AP3D1: variants seen among roughly 807,000 people sequenced by gnomAD.
AP3D1 encodes adaptor related protein complex 3 subunit delta 1.
In AP3D1, 51 loss-of-function variants were observed where a neutral mutation model predicts 147.6. The ratio of observed to expected loss-of-function variants is 0.35; its 90% CI spans 0.28 to 0.44. The LOEUF is 0.44. AP3D1 is among the 20% of genes least tolerant of loss of function. AP3D1 has a pLI of 1.00. For missense variants in AP3D1, 1,421 were observed against 1,624.2 expected (o/e 0.87, Z 2.15); for synonymous variants, 760 against 663.0 (o/e 1.15, Z -2.25).
At chr19:2,134,424 A>AC (rs1268515127) in intron 4 of AP3D1, among the ~76,000 whole-genome samples, 1 of 151,440 alleles carries the variant, frequency 6.6e-6, no homozygotes, top group Non-Finnish European at 1.5e-5. Flanking sequence ...CTGTCTCAAA[A>AC]AAAAAAAAGT....
At chr19:2,126,425 G>A (rs2018756255) in intron 9 of AP3D1, among the ~76,000 whole-genome samples, 1 of 152,170 alleles carries the variant, frequency 6.6e-6, no homozygotes, top group African/African-American at 2.4e-5. Context: ...GGAGGCCGAG[G>A]CAGGCGGATC....
chr19:2,150,098 C>T (rs2019465819), intron 1 of AP3D1, among the ~76,000 whole-genome samples: 1 of 152,212 alleles, frequency 6.6e-6, no homozygotes, highest in Non-Finnish European at 1.5e-5. Context: ...TGTAACAATA[C>T]GGCAAGAGCT....
intron 28 of AP3D1, 63 bp from the exon 29 acceptor site, chr19:2,110,021 T>C: frequency 1.3e-6 from 2 of 1,594,238 alleles, no homozygotes; most frequent in South Asian, 2.2e-5. Flanking sequence ...GGCTCAGGGT[T>C]CCCCAGGCAG....
At chr19:2,121,589 G>A (rs923209650) in intron 12 of AP3D1, 145 bp downstream of exon 12, 3 of 1,208,850 alleles carry the variant, frequency 2.5e-6, no homozygotes, top group Non-Finnish European at 3.4e-6. Flanking sequence ...GACCAGGACT[G>A]GCGCCCCTCT....
intron 5 of AP3D1, among the ~76,000 whole-genome samples, chr19:2,132,270 T>C (rs1007959418): frequency 2.6e-5 from 4 of 152,162 alleles, no homozygotes; most frequent in South Asian, 2.1e-4. Flanking sequence ...TGATTTCAAA[T>C]ATCAACTTAA....
chr19:2,109,819 T>G, intron 29 of AP3D1, 54 bp downstream of exon 29: 1 of 1,537,194 alleles, frequency 6.5e-7, no homozygotes, highest in Non-Finnish European at 9.0e-7. Flanking sequence ...GTCTGCAAGG[T>G]AGAGGGGAGG....
intron 5 of AP3D1, 70 bp downstream of exon 5, chr19:2,132,401 G>A (rs2018974282): frequency 1.4e-6 from 2 of 1,419,878 alleles, no homozygotes; most frequent in East Asian, 2.3e-5. Context: ...AAGCTTCCCA[G>A]GCATGCCACT....
Position 2,150,474 on chromosome 19 carries a change from A to G in AP3D1, c.96+765T>C, listed in dbSNP as rs146387166. The stretch of plus-strand genomic sequence containing the variant: ...GTTGTAATTTTACTTCTGGAAAACT[A>G]TTTCCTCGCCCTGGCTTTCAGGTTC... On this transcript the variant is annotated intron_variant, in intron 1 of 31. Transcript: ENST00000643116. Among the ~76,000 whole-genome samples the G allele has an allele frequency of 2.5e-3, 378 of 152,310 alleles. 2 individuals carry two copies. The highest frequency in any genetic ancestry group is 8.7e-3 in the African/African-American group (360 of 41,574).
chr19:2,139,364 G>A (rs371383153), intron 1 of AP3D1, among the ~76,000 whole-genome samples: 4 of 152,184 alleles, frequency 2.6e-5, no homozygotes, highest in East Asian at 3.8e-4. Flanking sequence ...TCTCACTGCT[G>A]TGAAAACCAC....
chr19:2,112,011 A>AG lies in AP3D1; in HGVS notation c.2788-184dup, dbSNP rs967426921. 1.2e-5 allele frequency: 11 copies of AG among 948,916 alleles called. No individual in the cohort carries two copies. In the African/African-American group the frequency reaches 1.5e-4, roughly 13 times the overall value. 58.8% of individuals were successfully genotyped at this position (948,916 alleles called of 1,614,324 possible). ...GCTCAGGCCAGACCAGGCCCAGCGG[A>AG]GGCTGGGGCCGTCTCTGGTTGGCGG... On this transcript the variant is annotated intron_variant, in intron 24 of 31. Transcript: ENST00000643116.
At chr19:2,152,269 T>A (rs1473353082), upstream of AP3D1, among the ~76,000 whole-genome samples, 4 of 151,930 alleles carry the variant, frequency 2.6e-5, no homozygotes, top group Non-Finnish European at 5.9e-5. Flanking sequence ...TGGCCAGCCG[T>A]GGTGGCTCAC....
Position 2,102,118 on chromosome 19 carries a change from G to T in AP3D1, c.*55C>A. On this transcript the variant is annotated 3_prime_UTR_variant, in exon 32 of 32. Coordinates refer to ENST00000643116, the MANE Select transcript of AP3D1 (RefSeq NM_001261826.3). ...CTGAGGAGAGGCGAGACACGTCAGG[G>T]CTGCGGTCCCTGGGTACGTGCTCCG... 1 of 1,423,952 alleles carries T rather than the reference G, an allele frequency of 7.0e-7. No homozygotes were observed. Among genetic ancestry groups the T allele is most frequent in the Non-Finnish European group, 9.9e-7 (1 of 1,012,178 alleles). The allele number at this position is 1,423,952 out of a possible 1,614,324, so 88.2% of individuals were successfully genotyped here. A position where few individuals can be genotyped will look rare whatever the true frequency, so the allele number is the denominator to read the frequency against.
intron 1 of AP3D1, chr19:2,164,280 C>T (rs1462713428): frequency 6.4e-6 from 8 of 1,258,032 alleles, no homozygotes; most frequent in Non-Finnish European, 7.0e-6. Flanking sequence ...GTGCCGCCCT[C>T]CACCGTCCCT....
At chr19:2,156,008 G>A (rs1042445269), upstream of AP3D1, among the ~76,000 whole-genome samples, 2 of 150,302 alleles carry the variant, frequency 1.3e-5, no homozygotes, top group African/African-American at 4.9e-5. Flanking sequence ...AGCCACGATT[G>A]CGCCACTGCA....
intron 27 of AP3D1, 138 bp downstream of exon 27, chr19:2,110,569 C>T: frequency 1.1e-6 from 1 of 938,814 alleles, no homozygotes; most frequent in Non-Finnish European, 1.6e-6. Context: ...CCCCGACACT[C>T]AGGAGGTACT....
intron 17 of AP3D1, 114 bp from the exon 18 acceptor site, chr19:2,116,392 C>G (rs1162855211): frequency 1.5e-5 from 20 of 1,302,130 alleles, no homozygotes; most frequent in Middle Eastern, 3.7e-4. Context: ...ATTTTCACTA[C>G]TGAGCTTTCA....
At chr19:2,150,459 T>C (rs1280906118) in intron 1 of AP3D1, among the ~76,000 whole-genome samples, 2 of 152,232 alleles carry the variant, frequency 1.3e-5, no homozygotes, top group Non-Finnish European at 2.9e-5. Context: ...GTTGTAATTT[T>C]ACTTCTGGAA....
At chr19:2,145,186 G>A (rs573321522) in intron 1 of AP3D1, among the ~76,000 whole-genome samples, 1 of 152,350 alleles carries the variant, frequency 6.6e-6, no homozygotes, top group Admixed American at 6.5e-5. Flanking sequence ...GGCTCCATCT[G>A]GACCGCAGCT....
chr19:2,162,388 T>C (rs1448548378), intron 1 of AP3D1, among the ~76,000 whole-genome samples: 2 of 148,426 alleles, frequency 1.3e-5, no homozygotes, highest in African/African-American at 4.9e-5. Flanking sequence ...GGCTGATGCC[T>C]ATAAATCTCC....
Sources: gnomAD v4.1 joint callset for allele counts (sites outside exome capture counted in the v4.1 genomes callset) on GRCh38, gnomAD v4.1.1 for gene constraint, MANE v1.5 for transcripts, NCBI Gene and HGNC (gene_info 2026-07-23, HGNC 2026-07-21) for gene names.